Variants in PDE10A observed in about 807,000 individuals in gnomAD.
PDE10A encodes the protein cAMP and cAMP-inhibited cGMP 3',5'-cyclic phosphodiesterase 10A.
PDE10A carries 39 observed loss-of-function variants against 97.7 expected under a neutral mutation model. That is an observed-to-expected ratio of 0.40 (90% confidence interval 0.31 to 0.52). The LOEUF (loss-of-function observed/expected upper bound fraction) is 0.52, where lower values mean the gene tolerates loss of function less well. Among genes scored for constraint, PDE10A ranks in the 20% least tolerant of loss-of-function variants. The pLI, the probability that PDE10A is intolerant of heterozygous loss-of-function variation, is 0.56. For missense variants in PDE10A, 731 were observed against 1,047.8 expected (o/e 0.70, Z 4.17); for synonymous variants, 371 against 376.8 (o/e 0.98, Z 0.18).
At chr6:165,858,583 T>C (rs1780814501) in intron 1 of PDE10A, among the ~76,000 whole-genome samples, 1 of 152,218 alleles carries the variant, frequency 6.6e-6, no homozygotes, top group African/African-American at 2.4e-5. Context: ...CCACAGCAGA[T>C]AAGATCACAC....
intron 1 of PDE10A, among the ~76,000 whole-genome samples, chr6:165,565,974 AACCCC>A (rs1400727797): frequency 1.3e-5 from 2 of 152,210 alleles, no homozygotes; most frequent in African/African-American, 2.4e-5. Flanking sequence ...AAAATGATAA[AACCCC>A]TAGAAAATAA....
At chr6:165,542,808 T>C (rs1475050121) in intron 2 of PDE10A, among the ~76,000 whole-genome samples, 5 of 151,640 alleles carry the variant, frequency 3.3e-5, no homozygotes, top group Admixed American at 6.6e-5. Context: ...TTAGTAGAGA[T>C]GGGGTTTCAC....
At chr6:165,341,596 G>A (rs147606568) in intron 19 of PDE10A, among the ~76,000 whole-genome samples, 6 of 152,112 alleles carry the variant, frequency 3.9e-5, no homozygotes, top group African/African-American at 1.2e-4. Context: ...TTTTTGCAAC[G>A]ATCCTTACAC....
rs1781295953 is a variant in PDE10A at position 165,330,764 on chromosome 6, T to G, written c.*2261A>C. On this transcript the variant is annotated 3_prime_UTR_variant, in exon 22 of 22. Transcript: ENST00000539869. ...TTTCTATATTAAAAAACAGAATTCA[T>G]ACATTCTTTTAAAATTCTTGTAATT... 1 of 152,210 alleles carries G rather than the reference T, an allele frequency of 6.6e-6. No individual in the cohort carries two copies. The highest frequency in any genetic ancestry group is 2.1e-4 in the South Asian group (1 of 4,830). The allele number at this position is 152,210 out of a possible 1,614,324, so 9.4% of individuals were successfully genotyped here. A position where few individuals can be genotyped will look rare whatever the true frequency, so the allele number is the denominator to read the frequency against.
At chr6:165,928,578 T>C (rs1783019694) in intron 1 of PDE10A, among the ~76,000 whole-genome samples, 1 of 152,160 alleles carries the variant, frequency 6.6e-6, no homozygotes, top group African/African-American at 2.4e-5. Context: ...CAAAAGACCA[T>C]GGCAGAGCAA....
Position 165,639,002 on chromosome 6 carries a change from T to C in PDE10A, c.865+22945A>G, listed in dbSNP as rs147265263. On this transcript the variant is annotated intron_variant, in intron 1 of 21. Coordinates refer to ENST00000539869, the MANE Select transcript of PDE10A (RefSeq NM_001385079.1). ...CTTCACATTCATTATTTCATCTTTA[T>C]CCTGACCAAATGGGAGGGAAGAAGG... is the stretch of plus-strand genomic sequence containing the variant. Among the ~76,000 whole-genome samples the C allele has an allele frequency of 2.8e-3, 406 of 143,942 alleles. 5 individuals are homozygous for C. The highest frequency in any genetic ancestry group is 0.019 in the Admixed American group (270 of 14,258). The allele number at this position is 143,942 out of a possible 152,430, so 94.4% of individuals were successfully genotyped here. A position where few individuals can be genotyped will look rare whatever the true frequency, so the allele number is the denominator to read the frequency against.
At chr6:165,857,528 G>A (rs972628164) in intron 1 of PDE10A, among the ~76,000 whole-genome samples, 14 of 152,212 alleles carry the variant, frequency 9.2e-5, no homozygotes, top group African/African-American at 3.1e-4. Flanking sequence ...CCCCATTGTG[G>A]AAGCTGCCCC....
At chr6:165,926,855 A>G (rs985984719) in intron 1 of PDE10A, among the ~76,000 whole-genome samples, 1 of 152,234 alleles carries the variant, frequency 6.6e-6, no homozygotes, top group Admixed American at 6.5e-5. Context: ...TCATTTTCTA[A>G]TGGAAATATG....
chr6:165,515,626 C>T (rs138516024), intron 2 of PDE10A, among the ~76,000 whole-genome samples: 12 of 148,678 alleles, frequency 8.1e-5, no homozygotes, highest in African/African-American at 1.7e-4. Flanking sequence ...AGGGTTCAAA[C>T]GATTCTCCTG....
At chr6:165,977,723 T>C (rs939342118) in intron 1 of PDE10A, among the ~76,000 whole-genome samples, 15 of 152,156 alleles carry the variant, frequency 9.9e-5, no homozygotes, top group South Asian at 4.1e-4. Context: ...ATTATTAAAA[T>C]AAAAAGTGGT....
chr6:165,677,970 G>A (rs1280226033), intron 1 of PDE10A, among the ~76,000 whole-genome samples: 3 of 151,410 alleles, frequency 2.0e-5, no homozygotes, highest in Non-Finnish European at 2.9e-5. Context: ...ATATCTATGT[G>A]TTTTGTGTGT....
intron 1 of PDE10A, among the ~76,000 whole-genome samples, chr6:165,592,929 C>G (rs896189376): frequency 6.6e-6 from 1 of 152,278 alleles, no homozygotes; most frequent in Non-Finnish European, 1.5e-5. Context: ...TACCATTTGA[C>G]CCAGCCATCC....
intron 1 of PDE10A, among the ~76,000 whole-genome samples, chr6:165,792,719 C>T (rs990622051): frequency 6.6e-6 from 1 of 152,166 alleles, no homozygotes; most frequent in East Asian, 1.9e-4. Flanking sequence ...CAAGTCCAGA[C>T]TCCAGTACCC....
intron 1 of PDE10A, among the ~76,000 whole-genome samples, chr6:165,767,239 A>G (rs975734021): frequency 1.3e-5 from 2 of 152,234 alleles, no homozygotes; most frequent in Non-Finnish European, 2.9e-5. Flanking sequence ...AGCAACCAAG[A>G]GTTGTTTATG....
At chr6:165,396,606 C>G in intron 13 of PDE10A, 147 bp from the exon 14 acceptor site, 10 of 710,444 alleles carry the variant, frequency 1.4e-5, no homozygotes, top group Non-Finnish European at 2.2e-5. Flanking sequence ...TCCATATGCA[C>G]TGGGATGTGC....
At chr6:165,901,007 T>G (rs905315281) in intron 1 of PDE10A, among the ~76,000 whole-genome samples, 1 of 152,136 alleles carries the variant, frequency 6.6e-6, no homozygotes, top group Non-Finnish European at 1.5e-5. Context: ...CAGCCAATAA[T>G]AGGAGAGGGA....
chr6:165,973,664 C>T (rs889692117), intron 1 of PDE10A, among the ~76,000 whole-genome samples: 2 of 152,164 alleles, frequency 1.3e-5, no homozygotes, highest in African/African-American at 4.8e-5. Context: ...AAGAGGCAGA[C>T]AGATGAGAAG....
At chr6:165,401,846 T>C (rs943603890) in intron 13 of PDE10A, among the ~76,000 whole-genome samples, 1 of 152,154 alleles carries the variant, frequency 6.6e-6, no homozygotes, top group African/African-American at 2.4e-5. Flanking sequence ...CCCAAAAACA[T>C]ATCAAGACCC....
At chr6:165,373,736 T>C (rs1453745051) in intron 18 of PDE10A, among the ~76,000 whole-genome samples, 1 of 152,114 alleles carries the variant, frequency 6.6e-6, no homozygotes, top group Admixed American at 6.5e-5. Flanking sequence ...ACTGGGTATA[T>C]ACCCAAAGGA....
Sources: allele counts gnomAD v4.1 joint callset (sites outside exome capture counted in the v4.1 genomes callset), GRCh38; gene constraint gnomAD v4.1.1; transcripts MANE v1.5; gene names NCBI Gene and HGNC (gene_info 2026-07-23, HGNC 2026-07-21).